The following KDM4C variants were observed in gnomAD, a reference collection of about 807,000 sequenced individuals.
KDM4C encodes lysine-specific demethylase 4C.
Under a neutral mutation model 129.3 loss-of-function variants are expected in KDM4C, and 81 were observed. The observed-to-expected ratio is 0.63, with a 90% CI of 0.52 to 0.75. The LOEUF (loss-of-function observed/expected upper bound fraction) is 0.75, where lower values mean the gene tolerates loss of function less well. Ranked by LOEUF, KDM4C falls within the 30% of genes least tolerant of loss-of-function variation. The pLI is 0.00. For missense variants in KDM4C, 1,457 were observed against 1,304.0 expected (o/e 1.12, Z -1.81); for synonymous variants, 573 against 456.1 (o/e 1.26, Z -3.26).
intron 17 of KDM4C, among the ~76,000 whole-genome samples, chr9:7,055,943 A>AT (rs1830806756): frequency 6.6e-6 from 1 of 152,218 alleles, no homozygotes; most frequent in South Asian, 2.1e-4. Flanking sequence ...AGACATATTG[A>AT]TTATCTTTCA....
At chr9:7,055,244 G>T (rs931333469) in intron 17 of KDM4C, among the ~76,000 whole-genome samples, 2 of 152,194 alleles carry the variant, frequency 1.3e-5, no homozygotes, top group East Asian at 1.9e-4. Flanking sequence ...CCTCACAGTG[G>T]TGTAGCACAG....
At chr9:6,939,976 A>ACCTTCCTTCCTTCCTTCCCT (rs1825583044) in intron 8 of KDM4C, among the ~76,000 whole-genome samples, 1 of 93,480 alleles carries the variant, frequency 1.1e-5, no homozygotes, top group African/African-American at 4.1e-5. Flanking sequence ...CTACCTACCT[A>ACCTTCCTTCCTTCCTTCCCT]CCTTCCTTCC....
At chr9:6,949,045 C>A (rs919826307) in intron 8 of KDM4C, among the ~76,000 whole-genome samples, 1 of 152,176 alleles carries the variant, frequency 6.6e-6, no homozygotes, top group Non-Finnish European at 1.5e-5. Context: ...CTCCTCACTT[C>A]CCAGAAGGGG....
intron 4 of KDM4C, among the ~76,000 whole-genome samples, chr9:6,834,083 G>C (rs1370865517): frequency 7.9e-6 from 1 of 126,992 alleles, no homozygotes. Context: ...CTGTCACCTA[G>C]GCTGGGGTGC....
At chr9:7,017,431 G>A (rs1324853550) in intron 15 of KDM4C, among the ~76,000 whole-genome samples, 1 of 152,122 alleles carries the variant, frequency 6.6e-6, no homozygotes, top group Non-Finnish European at 1.5e-5. Flanking sequence ...TAAAGACCTT[G>A]TTAAAAATTT....
At chr9:7,053,389 T>C (rs897551396) in intron 17 of KDM4C, among the ~76,000 whole-genome samples, 8 of 152,182 alleles carry the variant, frequency 5.3e-5, no homozygotes, top group Non-Finnish European at 1.0e-4. Context: ...TTTCCTCTTA[T>C]GTATAATGGC....
intron 4 of KDM4C, among the ~76,000 whole-genome samples, chr9:6,847,992 G>A (rs1235856392): frequency 6.6e-6 from 1 of 152,196 alleles, no homozygotes; most frequent in Non-Finnish European, 1.5e-5. Context: ...GTGGTTGTAT[G>A]TGAAGCCATT....
chr9:6,806,238 T>A (rs560339807), intron 3 of KDM4C, among the ~76,000 whole-genome samples: 47 of 152,286 alleles, frequency 3.1e-4, no homozygotes, highest in Admixed American at 2.3e-3. Context: ...CTCATGCCTG[T>A]AATCCCAGTA....
chr9:6,775,646 C>A (rs1236471625), intron 1 of KDM4C, among the ~76,000 whole-genome samples: 1 of 151,888 alleles, frequency 6.6e-6, no homozygotes, highest in Admixed American at 6.6e-5. Context: ...CCTCAGCCTC[C>A]GGAGTAGCTG....
intron 5 of KDM4C, among the ~76,000 whole-genome samples, chr9:6,865,419 G>A (rs973426156): frequency 1.3e-5 from 2 of 152,150 alleles, no homozygotes; most frequent in African/African-American, 4.8e-5. Flanking sequence ...CTTACATATA[G>A]CTATGTTATT....
chr9:6,950,088 T>C (rs1255359228), intron 8 of KDM4C, among the ~76,000 whole-genome samples: 1 of 150,894 alleles, frequency 6.6e-6, no homozygotes, highest in Non-Finnish European at 1.5e-5. Flanking sequence ...TTTTTTTTTT[T>C]CCTCAAGCTT....
At chr9:6,921,529 C>T (rs938827057) in intron 8 of KDM4C, among the ~76,000 whole-genome samples, 21 of 152,212 alleles carry the variant, frequency 1.4e-4, no homozygotes, top group African/African-American at 4.8e-4. Flanking sequence ...GGGATGCCCA[C>T]TGCTCACCAC....
chr9:7,105,345 A>C (rs1167367144), intron 18 of KDM4C: 1 of 437,282 alleles, frequency 2.3e-6, no homozygotes, highest in African/African-American at 2.0e-5. Context: ...CTTATTTCTG[A>C]GCCTCAGCTT....
intron 15 of KDM4C, among the ~76,000 whole-genome samples, chr9:7,022,832 C>A (rs985329078): frequency 6.6e-6 from 1 of 151,822 alleles, no homozygotes; most frequent in Non-Finnish European, 1.5e-5. Flanking sequence ...CCTTCTGTAC[C>A]CAGTTTTTTG....
At chr9:6,883,560 C>A (rs950052411) in intron 6 of KDM4C, among the ~76,000 whole-genome samples, 1 of 152,128 alleles carries the variant, frequency 6.6e-6, no homozygotes, top group Non-Finnish European at 1.5e-5. Context: ...AGCCATGTTC[C>A]TAGTGGGATT....
intron 6 of KDM4C, among the ~76,000 whole-genome samples, chr9:6,883,891 G>A (rs868465174): frequency 1.3e-5 from 2 of 152,010 alleles, no homozygotes; most frequent in South Asian, 2.1e-4. Context: ...GGAAGTGAGA[G>A]CTGAAATTAA....
chr9:6,919,242 C>CTTTCTTTCTTTCTTTCTTTCTTTCT (rs1820924867), intron 8 of KDM4C, among the ~76,000 whole-genome samples: 1 of 94,666 alleles, frequency 1.1e-5, no homozygotes, highest in Non-Finnish European at 2.4e-5. Context: ...TTCTTTCTTT[C>CTTTCTTTCTTTCTTTCTTTCTTTCT]TTTCTTTTCT....
intron 1 of KDM4C, among the ~76,000 whole-genome samples, chr9:6,788,861 G>A (rs1475272053): frequency 2.6e-5 from 4 of 152,174 alleles, no homozygotes; most frequent in East Asian, 1.9e-4. Flanking sequence ...GTGTGCAGGA[G>A]TTTGTCAGGT....
rs576727600 is a variant in KDM4C, at chr9:6,827,503, C to G, written c.435+12758C>G. Reference sequence around the variant, plus strand: ...CATTTAACCTATAGACTTTTTTTCCCTCTCCCTCAATGGGGTAGCTTAAAT... The same window carrying G: ...CATTTAACCTATAGACTTTTTTTCCGTCTCCCTCAATGGGGTAGCTTAAAT... On this transcript the variant is annotated intron_variant, in intron 4 of 21. Coordinates refer to ENST00000381309, the MANE Select transcript of KDM4C (RefSeq NM_015061.6). Among the ~76,000 whole-genome samples the G allele has an allele frequency of 9.2e-5, 14 of 152,240 alleles. No homozygotes were observed. The East Asian group carries it at 1.9e-3, about 21-fold the overall frequency.
Sources: gnomAD v4.1 joint callset for allele counts (sites outside exome capture counted in the v4.1 genomes callset) on GRCh38, gnomAD v4.1.1 for gene constraint, MANE v1.5 for transcripts, NCBI Gene and HGNC (gene_info 2026-07-23, HGNC 2026-07-21) for gene names.